MCF2L: variants seen among roughly 807,000 people sequenced by gnomAD.
MCF2L encodes the protein MCF.2 cell line derived transforming sequence like.
In MCF2L, 97 loss-of-function variants were observed where a neutral mutation model predicts 153.4. That is an observed-to-expected ratio of 0.63 (90% CI 0.54 to 0.75). The LOEUF is 0.75. Among genes scored for constraint, MCF2L ranks in the 30% least tolerant of loss-of-function variants. MCF2L has a pLI of 0.00. For synonymous variants in MCF2L, 659 were observed against 632.2 expected (o/e 1.04, Z -0.64); for missense variants, 1,347 against 1,495.2 (o/e 0.90, Z 1.64).
In MCF2L at chr13:113,033,054, C is replaced by T. The variant is rs904398405; in HGVS notation, c.278+8296C>T. On this transcript the variant is annotated intron_variant, in intron 3 of 29. Transcript: ENST00000535094. ...CCCGTGGCGTGAGTGGCCCCCATGA[C>T]GTGAGTGGCCCCTGTGACATTAGTG... Among the ~76,000 whole-genome samples, 26 of 118,056 alleles carry T rather than the reference C, an allele frequency of 2.2e-4. 2 individuals carry two copies. The highest frequency in any genetic ancestry group is 5.7e-3 in the Middle Eastern group (1 of 176). 77.4% of individuals were successfully genotyped at this position (118,056 alleles called of 152,430 possible).
intron 3 of MCF2L, among the ~76,000 whole-genome samples, chr13:113,036,181 C>T (rs2086141883): frequency 6.6e-6 from 1 of 152,176 alleles, no homozygotes; most frequent in Admixed American, 6.5e-5. Flanking sequence ...TCTGAGTTCG[C>T]AGTTGGCCAG....
At chr13:113,044,577 G>A (rs2086684974) in intron 3 of MCF2L, 2 of 1,532,634 alleles carry the variant, frequency 1.3e-6, no homozygotes, top group Non-Finnish European at 8.8e-7. Flanking sequence ...GGTAGCAGCT[G>A]CTGGCATCAC....
Position 112,932,217 on chromosome 13 carries a change from G to A in MCF2L, c.169+29846G>A, listed in dbSNP as rs1238793604. ...ATGGCGACCAGGCGTGTAGACTCGT[G>A]CCCTGGGTAAGGCGTGACCGGGATG... On this transcript the variant is annotated intron_variant, in intron 2 of 29. Transcript: ENST00000375608. The surrounding 1 kb of genome is among the most constrained non-coding windows in gnomAD (Gnocchi z 4.6). 6.6e-6 allele frequency among the ~76,000 whole-genome samples: 1 copy of A among 151,834 alleles called. No homozygotes were observed. The highest frequency in any genetic ancestry group is 1.5e-5 in the Non-Finnish European group (1 of 67,928).
chr13:112,944,648 G>A (rs890977957), intron 2 of MCF2L, among the ~76,000 whole-genome samples: 3 of 150,070 alleles, frequency 2.0e-5, no homozygotes, highest in African/African-American at 4.9e-5. Flanking sequence ...CTCGGCTCAC[G>A]GCTAATTTTT....
chr13:112,902,391 GC>G, intron 2 of MCF2L: 1 of 1,607,434 alleles, frequency 6.2e-7, no homozygotes, highest in Non-Finnish European at 8.5e-7. Flanking sequence ...TGGTGCTGCG[GC>G]CTCATTTGAT....
At chr13:112,922,754 G>A (rs2993337) in intron 2 of MCF2L, among the ~76,000 whole-genome samples, 11,894 of 152,258 alleles carry the variant, frequency 0.078, 560 homozygotes, top group South Asian at 0.15. Context: ...AGAATTGCTT[G>A]AACCTGGGAG....
intron 2 of MCF2L, among the ~76,000 whole-genome samples, chr13:112,924,802 G>A (rs1191315337): frequency 6.6e-6 from 1 of 152,206 alleles, no homozygotes; most frequent in Non-Finnish European, 1.5e-5. Context: ...GAGTATCAGA[G>A]GGGAATGGGC....
At chr13:113,080,465 G>A (rs948743731) in intron 15 of MCF2L, among the ~76,000 whole-genome samples, 3 of 152,218 alleles carry the variant, frequency 2.0e-5, no homozygotes, top group Non-Finnish European at 4.4e-5. Flanking sequence ...GGGCCTCTGC[G>A]GGCCGACAGC....
Position 112,983,598 on chromosome 13 carries a change from C to T in MCF2L, c.79+14140C>T, listed in dbSNP as rs999900974. On this transcript the variant is annotated intron_variant, in intron 1 of 29. Transcript: ENST00000535094. The surrounding 1 kb of genome is among the most constrained non-coding windows in gnomAD (Gnocchi z 4.0). ...GGCGGAGACAGGGAGCCGGGAGGAGCGTCAGATGCCTGTGGCCTCTTTACA... is the reference window on the plus strand; with the variant it reads ...GGCGGAGACAGGGAGCCGGGAGGAGTGTCAGATGCCTGTGGCCTCTTTACA... Among the ~76,000 whole-genome samples the T allele has an allele frequency of 6.6e-5, 10 of 152,212 alleles. No homozygotes were observed. The highest frequency in any genetic ancestry group is 2.4e-4 in the African/African-American group (10 of 41,462).
At position 112,932,239 on chromosome 13, in the gene MCF2L, G is replaced by A. The variant is rs1469429558; in HGVS notation, c.169+29868G>A. ...CGTGCCCTGGGTAAGGCGTGACCGGGATGGCACTTTACCTCTGTAGTCCTC... is the reference window on the plus strand; with the variant it reads ...CGTGCCCTGGGTAAGGCGTGACCGGAATGGCACTTTACCTCTGTAGTCCTC... On this transcript the variant is annotated intron_variant, in intron 2 of 29. Transcript: ENST00000375608. This position sits in a 1 kb window ranked among gnomAD's most constrained non-coding sequence, Gnocchi z 4.6. Among the ~76,000 whole-genome samples, 1 of 151,000 alleles carries A rather than the reference G, an allele frequency of 6.6e-6. No individual in the cohort carries two copies.
chr13:113,047,796 G>A (rs1408456199), intron 4 of MCF2L, among the ~76,000 whole-genome samples: 1 of 152,028 alleles, frequency 6.6e-6, no homozygotes, highest in Non-Finnish European at 1.5e-5. Flanking sequence ...GCCTCGCTAC[G>A]TGTGCCCCGT....
intron 2 of MCF2L, among the ~76,000 whole-genome samples, chr13:113,023,157 A>G (rs2085004101): frequency 1.3e-5 from 2 of 152,242 alleles, no homozygotes; most frequent in African/African-American, 4.8e-5. Context: ...CCCTCGGCTC[A>G]GCCCTCTAAG....
intron 2 of MCF2L, among the ~76,000 whole-genome samples, chr13:112,919,444 A>G (rs182663578): frequency 0.018 from 2,733 of 152,088 alleles, 37 homozygotes; most frequent in Non-Finnish European, 0.027. Context: ...TGACCTCGTG[A>G]TCCGCCCGCC....
chr13:113,064,731 G>A lies in MCF2L; in HGVS notation c.607-205G>A, dbSNP rs1267207544. On this transcript the variant is annotated intron_variant, in intron 6 of 29. Coordinates refer to ENST00000535094, the MANE Select transcript of MCF2L (RefSeq NM_001112732.3). This position sits in a 1 kb window ranked among gnomAD's most constrained non-coding sequence, Gnocchi z 6.0. ...GCAGGCACAGGCGACTCTAGGTGAC[G>A]GGCACACGTGTAGAGTGTGCCTGGT... The A allele has an allele frequency of 2.1e-5, 13 of 612,354 alleles. No homozygotes were observed. The highest frequency in any genetic ancestry group is 2.8e-5 in the East Asian group (1 of 36,216). The allele number at this position is 612,354 out of a possible 1,614,324, so 37.9% of individuals were successfully genotyped here.
intron 1 of MCF2L, among the ~76,000 whole-genome samples, chr13:112,900,367 G>C (rs2081108038): frequency 6.6e-6 from 1 of 152,228 alleles, no homozygotes; most frequent in Non-Finnish European, 1.5e-5. Flanking sequence ...AGCCACTGAG[G>C]GTGGGCATGA....
In MCF2L at chr13:113,053,690, T is replaced by C. The variant is rs1418880240; in HGVS notation, c.370-6903T>C. ...GGTTCGGTGGTGGTTGCCACAGGGCTGTGTTTTCAAGGGGAGCAGCAGGTG... is the reference window on the plus strand; with the variant it reads ...GGTTCGGTGGTGGTTGCCACAGGGCCGTGTTTTCAAGGGGAGCAGCAGGTG... On this transcript the variant is annotated intron_variant, in intron 4 of 29. Coordinates refer to ENST00000535094, the MANE Select transcript of MCF2L (RefSeq NM_001112732.3). This position sits in a 1 kb window ranked among gnomAD's most constrained non-coding sequence, Gnocchi z 4.4. Among the ~76,000 whole-genome samples the C allele has an allele frequency of 1.3e-5, 2 of 152,132 alleles. No homozygotes were observed. The highest frequency in any genetic ancestry group is 2.9e-5 in the Non-Finnish European group (2 of 68,032).
intron 3 of MCF2L, among the ~76,000 whole-genome samples, chr13:113,034,443 C>T (rs1436428454): frequency 1.3e-5 from 2 of 152,178 alleles, no homozygotes; most frequent in African/African-American, 2.4e-5. Context: ...GGCCAGGCAG[C>T]CTCATTTTCA....
At chr13:113,091,422 C>T (rs529253286) in intron 26 of MCF2L, among the ~76,000 whole-genome samples, 31 of 152,346 alleles carry the variant, frequency 2.0e-4, no homozygotes, top group Non-Finnish European at 1.9e-4. Flanking sequence ...CTGGAGCCTG[C>T]GGAACTGCCC....
In MCF2L at chr13:113,078,747, C is replaced by T. The variant is rs375705727; in HGVS notation, c.1808+8C>T. The T allele has an allele frequency of 8.2e-5, 130 of 1,592,388 alleles. No individual in the cohort carries two copies. Among genetic ancestry groups the T allele is most frequent in the African/African-American group, 6.3e-4 (47 of 74,916 alleles). On this transcript the variant is annotated splice_region_variant and intron_variant, in intron 15 of 29. Coordinates refer to ENST00000535094, the MANE Select transcript of MCF2L (RefSeq NM_001112732.3). ...CCTGGCCATCCTGCGCAGGTGGGTG[C>T]GCTGCCCTTCTGTCCTCACAGGGGC...
Sources: gnomAD v4.1 joint callset for allele counts (sites outside exome capture counted in the v4.1 genomes callset) on GRCh38, gnomAD v4.1.1 for gene constraint, Gnocchi (gnomAD v3.1) non-coding constraint, MANE v1.5 for transcripts, NCBI Gene and HGNC (gene_info 2026-07-23, HGNC 2026-07-21) for gene names.